Variants in AKAIN1 observed in about 807,000 individuals in gnomAD.
AKAIN1 encodes A-kinase anchor protein inhibitor 1.
Under a neutral mutation model 3.7 loss-of-function variants are expected in AKAIN1, and 3 were observed. That is an observed-to-expected ratio of 0.82 (90% CI 0.37 to 2.12). The LOEUF is 2.12. AKAIN1 is among the 30% of genes most tolerant of loss of function. AKAIN1 has a pLI of 0.06. For missense variants in AKAIN1, 82 were observed against 82.7 expected (o/e 0.99, Z 0.03); for synonymous variants, 31 against 30.8 (o/e 1.01, Z -0.02).
intron 1 of AKAIN1, among the ~76,000 whole-genome samples, chr18:5,173,549 C>G (rs959958731): frequency 6.6e-6 from 1 of 152,138 alleles, no homozygotes; most frequent in African/African-American, 2.4e-5. Context: ...TGTTGTTTTT[C>G]TTGGTTCTGT....
In AKAIN1 at chr18:5,151,822, C is replaced by T. The variant is rs1031873515; in HGVS notation, c.17-6067G>A. On this transcript the variant is annotated intron_variant, in intron 1 of 1. Transcript: ENST00000434239. ...TTATGGAGGACCTACATGTATGGTA[C>T]TATGGAGAATAACATAAGCCACTAG... is the stretch of plus-strand genomic sequence containing the variant. 3.3e-5 allele frequency among the ~76,000 whole-genome samples: 5 copies of T among 152,296 alleles called. No homozygotes were observed. In the East Asian group the frequency reaches 9.6e-4, roughly 29 times the overall value.
chr18:5,195,178 A>G (rs924047365), intron 1 of AKAIN1, among the ~76,000 whole-genome samples: 1 of 152,158 alleles, frequency 6.6e-6, no homozygotes, highest in Non-Finnish European at 1.5e-5. Context: ...ACGTTTCTGT[A>G]TCTATCCTAT....
intron 1 of AKAIN1, among the ~76,000 whole-genome samples, chr18:5,161,626 C>T (rs2071139951): frequency 6.6e-6 from 1 of 152,098 alleles, no homozygotes; most frequent in African/African-American, 2.4e-5. Context: ...AAAGATTTTG[C>T]TATCCCAATA....
chr18:5,193,067 A>T (rs183443731), intron 1 of AKAIN1, among the ~76,000 whole-genome samples: 70 of 152,328 alleles, frequency 4.6e-4, no homozygotes, highest in Middle Eastern at 3.4e-3. Flanking sequence ...TTATTTATCA[A>T]TGTGTCAGGA....
intron 1 of AKAIN1, among the ~76,000 whole-genome samples, chr18:5,182,003 C>T (rs573588585): frequency 4.6e-5 from 7 of 152,174 alleles, no homozygotes; most frequent in Admixed American, 3.3e-4. Flanking sequence ...CATACCTAAA[C>T]GTATTCAGCT....
intron 1 of AKAIN1, among the ~76,000 whole-genome samples, chr18:5,162,034 A>T (rs1264190157): frequency 1.3e-5 from 2 of 152,168 alleles, no homozygotes; most frequent in Non-Finnish European, 2.9e-5. Context: ...TTGATACTGT[A>T]ATGGATACTG....
intron 1 of AKAIN1, among the ~76,000 whole-genome samples, chr18:5,160,966 A>G (rs572311346): frequency 1.1e-4 from 17 of 152,224 alleles, no homozygotes; most frequent in African/African-American, 4.1e-4. Context: ...AAGCCTTAAC[A>G]TCTGGAACAG....
intron 1 of AKAIN1, among the ~76,000 whole-genome samples, chr18:5,151,511 C>T (rs149504701): frequency 3.4e-4 from 52 of 152,264 alleles, no homozygotes; most frequent in African/African-American, 1.2e-3. Flanking sequence ...ATGCTATTCC[C>T]CTGTGCACCA....
chr18:5,180,539 G>T (rs539503496), intron 1 of AKAIN1, among the ~76,000 whole-genome samples: 1 of 152,258 alleles, frequency 6.6e-6, no homozygotes, highest in Admixed American at 6.5e-5. Flanking sequence ...AGCCTTACAT[G>T]TTGTGCTTCT....
chr18:5,196,544 C>T (rs1415390846), intron 1 of AKAIN1, among the ~76,000 whole-genome samples: 1 of 152,232 alleles, frequency 6.6e-6, no homozygotes, highest in Non-Finnish European at 1.5e-5. Context: ...GCTCCTCTGC[C>T]CTTCGTCCTA....
rs941052920 is a variant in AKAIN1 at position 5,197,029 on chromosome 18, G to A, written c.16+9C>T. ...TAGACACTTGGTGAAAAAGCAAGGT[G>A]CGGTGTACCTGGAGCGAACACCATG... is the stretch of plus-strand genomic sequence containing the variant. On this transcript the variant is annotated intron_variant, in intron 1 of 1. Coordinates refer to ENST00000434239, the MANE Select transcript of AKAIN1 (RefSeq NM_001145194.2). This position sits in a 1 kb window ranked among gnomAD's most constrained non-coding sequence, Gnocchi z 6.9. The A allele has an allele frequency of 1.3e-6, 2 of 1,548,752 alleles. No homozygotes were observed. Among genetic ancestry groups the A allele is most frequent in the African/African-American group, 1.4e-5 (1 of 72,988 alleles).
rs117602346 is a variant in AKAIN1, at chr18:5,185,319, T to C, written c.16+11719A>G. 2.0e-3 allele frequency among the ~76,000 whole-genome samples: 299 copies of C among 152,132 alleles called. 4 individuals carry two copies. In the East Asian group the frequency reaches 0.045, roughly 23 times the overall value. On this transcript the variant is annotated intron_variant, in intron 1 of 1. Transcript: ENST00000434239. ...TCATGAAGAAGATGCCAAAAACAAT[T>C]GCGACAAAAACAAAAATTGACAAAC...
intron 1 of AKAIN1, among the ~76,000 whole-genome samples, chr18:5,194,514 T>C (rs1051777471): frequency 3.3e-5 from 5 of 152,206 alleles, no homozygotes; most frequent in African/African-American, 1.2e-4. Flanking sequence ...CCTCATTCCA[T>C]TGTACTTCTG....
chr18:5,180,836 T>C (rs1457771574), intron 1 of AKAIN1, among the ~76,000 whole-genome samples: 1 of 152,054 alleles, frequency 6.6e-6, no homozygotes, highest in Non-Finnish European at 1.5e-5. Context: ...GAGATAAAAA[T>C]TAACAACTTG....
chr18:5,181,004 ACAGC>A (rs1340780727), intron 1 of AKAIN1, among the ~76,000 whole-genome samples: 1 of 152,016 alleles, frequency 6.6e-6, no homozygotes, highest in African/African-American at 2.4e-5. Flanking sequence ...AAAAGAAAAT[ACAGC>A]CAGGTGTGGT....
chr18:5,179,236 C>T (rs2071243405), intron 1 of AKAIN1, among the ~76,000 whole-genome samples: 1 of 152,190 alleles, frequency 6.6e-6, no homozygotes, highest in African/African-American at 2.4e-5. Context: ...GTGTCTATTA[C>T]TTCTCTCCTT....
intron 1 of AKAIN1, among the ~76,000 whole-genome samples, chr18:5,177,169 A>G (rs1047900668): frequency 6.6e-6 from 1 of 152,150 alleles, no homozygotes; most frequent in Admixed American, 6.5e-5. Context: ...AAAGTTAAAA[A>G]TCTTAAATGC....
At chr18:5,190,208 G>T (rs2071311192) in intron 1 of AKAIN1, among the ~76,000 whole-genome samples, 1 of 152,096 alleles carries the variant, frequency 6.6e-6, no homozygotes, top group Non-Finnish European at 1.5e-5. Context: ...CTTATGAGGG[G>T]AGAATCCTCA....
chr18:5,189,699 T>C (rs2071308153), intron 1 of AKAIN1, among the ~76,000 whole-genome samples: 1 of 151,988 alleles, frequency 6.6e-6, no homozygotes, highest in African/African-American at 2.4e-5. Context: ...CTACCAACAT[T>C]CTGGTCACAA....
Sources: allele counts gnomAD v4.1 joint callset (sites outside exome capture counted in the v4.1 genomes callset), GRCh38; gene constraint gnomAD v4.1.1; non-coding constraint Gnocchi (gnomAD v3.1); transcripts MANE v1.5; gene names NCBI Gene and HGNC (gene_info 2026-07-23, HGNC 2026-07-21).